The following ZCWPW2 variants were observed in gnomAD, a reference collection of about 807,000 sequenced individuals.
ZCWPW2 encodes zinc finger CW-type PWWP domain protein 2.
A neutral mutation model predicts 46.6 loss-of-function variants in ZCWPW2; 45 were observed. The observed-to-expected ratio is 0.96, with a 90% CI of 0.76 to 1.24. The LOEUF is 1.24. Among genes scored for constraint, ZCWPW2 ranks in the 50% most tolerant of loss-of-function variants. ZCWPW2 has a pLI of 0.00. For missense variants in ZCWPW2, 429 were observed against 403.9 expected, an observed-to-expected ratio of 1.06 and a Z score of -0.53; for synonymous variants, 152 against 137.1, an observed-to-expected ratio of 1.11 and a Z score of -0.76.
At chr3:28,423,429 C>T (rs556051499) in intron 3 of ZCWPW2, among the ~76,000 whole-genome samples, 41 of 142,140 alleles carry the variant, frequency 2.9e-4, no homozygotes, top group Non-Finnish European at 5.5e-4. Context: ...TGCAGTGGTG[C>T]GATCTAGGCT....
chr3:28,408,986 T>C (rs1696278974), intron 2 of ZCWPW2, among the ~76,000 whole-genome samples: 1 of 152,166 alleles, frequency 6.6e-6, no homozygotes, highest in Non-Finnish European at 1.5e-5. Context: ...GACCAATTAC[T>C]AAAAGATGAA....
chr3:28,518,198 T>C (rs925867239), intron 8 of ZCWPW2, among the ~76,000 whole-genome samples: 2 of 147,072 alleles, frequency 1.4e-5, no homozygotes, highest in Admixed American at 6.9e-5. Flanking sequence ...TATTTTTTCT[T>C]TCATTTCTTT....
chr3:28,382,217 A>G (rs1345358634), intron 1 of ZCWPW2, among the ~76,000 whole-genome samples: 1 of 152,016 alleles, frequency 6.6e-6, no homozygotes, highest in Non-Finnish European at 1.5e-5. Flanking sequence ...GGAAGCTAGA[A>G]GCCTGAGATC....
At chr3:28,391,353 CCA>C (rs111706300) in intron 2 of ZCWPW2, among the ~76,000 whole-genome samples, 7,431 of 148,372 alleles carry the variant, frequency 0.05, 560 homozygotes, top group African/African-American at 0.16. Context: ...CCTCTCCCTG[CCA>C]CACACACACA....
At chr3:28,431,231 A>T (rs1017341116) in intron 3 of ZCWPW2, among the ~76,000 whole-genome samples, 8 of 151,878 alleles carry the variant, frequency 5.3e-5, no homozygotes, top group Non-Finnish European at 1.2e-4. Context: ...TCTTTGTATC[A>T]TTTTTCCTCC....
chr3:28,365,759 T>A (rs1325778476), intron 1 of ZCWPW2, among the ~76,000 whole-genome samples: 2 of 141,488 alleles, frequency 1.4e-5, no homozygotes, highest in East Asian at 2.0e-4. Flanking sequence ...TTTCACAATA[T>A]TGATTCTTCC....
intron 4 of ZCWPW2, among the ~76,000 whole-genome samples, chr3:28,475,195 C>G (rs1470156386): frequency 6.6e-6 from 1 of 152,024 alleles, no homozygotes; most frequent in Non-Finnish European, 1.5e-5. Context: ...CTCTTCATCT[C>G]AGTAGAGAGC....
intron 1 of ZCWPW2, among the ~76,000 whole-genome samples, chr3:28,378,492 A>G (rs1350254328): frequency 6.6e-6 from 1 of 152,106 alleles, no homozygotes; most frequent in Non-Finnish European, 1.5e-5. Context: ...TATGCTGCTT[A>G]ATTTCATCAT....
At chr3:28,378,979 A>G (rs373975514) in intron 1 of ZCWPW2, among the ~76,000 whole-genome samples, 8 of 152,166 alleles carry the variant, frequency 5.3e-5, no homozygotes, top group African/African-American at 1.7e-4. Flanking sequence ...TAACTTAGAC[A>G]TCACTTCTCC....
chr3:28,384,587 C>T (rs1695205157), intron 1 of ZCWPW2, among the ~76,000 whole-genome samples: 1 of 151,268 alleles, frequency 6.6e-6, no homozygotes, highest in South Asian at 2.1e-4. Flanking sequence ...TTAATCTTGA[C>T]ACATTCAAGT....
intron 4 of ZCWPW2, among the ~76,000 whole-genome samples, chr3:28,466,132 A>G (rs1698813266): frequency 6.6e-6 from 1 of 152,206 alleles, no homozygotes; most frequent in Non-Finnish European, 1.5e-5. Context: ...CATTGAGTAC[A>G]CATGGACACA....
intron 4 of ZCWPW2, among the ~76,000 whole-genome samples, chr3:28,469,194 G>A (rs1023167511): frequency 6.6e-6 from 1 of 151,892 alleles, no homozygotes; most frequent in Non-Finnish European, 1.5e-5. Context: ...AAGCCTCATG[G>A]TAATCACAAA....
chr3:28,447,843 A>T, intron 4 of ZCWPW2: 1 of 1,041,808 alleles, frequency 9.6e-7, no homozygotes, highest in Non-Finnish European at 1.5e-6. Flanking sequence ...AAGGTTGGGA[A>T]AGCACCAAAT....
At chr3:28,402,486 T>A (rs1695987617) in intron 2 of ZCWPW2, among the ~76,000 whole-genome samples, 1 of 152,164 alleles carries the variant, frequency 6.6e-6, no homozygotes, top group Admixed American at 6.5e-5. Context: ...TTCAAAGAAT[T>A]GGTACCAATC....
chr3:28,484,263 A>C (rs1699521907), intron 5 of ZCWPW2, among the ~76,000 whole-genome samples: 1 of 151,956 alleles, frequency 6.6e-6, no homozygotes, highest in Admixed American at 6.6e-5. Flanking sequence ...GATTACATTA[A>C]TTGGTTTCCA....
chr3:28,352,600 C>T, intron 1 of ZCWPW2, among the ~76,000 whole-genome samples: 1 of 151,890 alleles, frequency 6.6e-6, no homozygotes, highest in East Asian at 1.9e-4. Context: ...TGCAGAAGGA[C>T]CAAATTGACT....
intron 2 of ZCWPW2, among the ~76,000 whole-genome samples, chr3:28,393,335 C>T (rs553884166): frequency 9.8e-4 from 149 of 152,162 alleles, no homozygotes; most frequent in African/African-American, 3.1e-3. Context: ...ATGATAACTT[C>T]GCTGCTGAAT....
intron 1 of ZCWPW2, among the ~76,000 whole-genome samples, chr3:28,364,069 A>G (rs1705034684): frequency 6.6e-6 from 1 of 152,232 alleles, no homozygotes; most frequent in African/African-American, 2.4e-5. Context: ...AAATGTAAGT[A>G]GCATCACAGT....
chr3:28,370,396 A>C (rs1405735836), intron 1 of ZCWPW2, among the ~76,000 whole-genome samples: 1 of 152,242 alleles, frequency 6.6e-6, no homozygotes, highest in African/African-American at 2.4e-5. Flanking sequence ...GTATATTTTC[A>C]TAATGGAATA....
Sources: allele counts gnomAD v4.1 joint callset (sites outside exome capture counted in the v4.1 genomes callset), GRCh38; gene constraint gnomAD v4.1.1; transcripts MANE v1.5; gene names NCBI Gene and HGNC (gene_info 2026-07-23, HGNC 2026-07-21).